Variants in MACROD2 observed in about 807,000 individuals in gnomAD.
The protein encoded by MACROD2 is mono-ADP ribosylhydrolase 2.
Under a neutral mutation model 70.4 loss-of-function variants are expected in MACROD2, and 36 were observed. The ratio of observed to expected loss-of-function variants is 0.51; its 90% CI spans 0.39 to 0.68. The LOEUF (loss-of-function observed/expected upper bound fraction) is 0.68. Ranked by LOEUF, MACROD2 falls within the 30% of genes least tolerant of loss-of-function variation. The pLI, the probability that MACROD2 is intolerant of heterozygous loss-of-function variation, is 0.00. For synonymous variants in MACROD2, 172 were observed against 178.8 expected, an observed-to-expected ratio of 0.96 and a Z score of 0.30; for missense variants, 496 against 538.4, an observed-to-expected ratio of 0.92 and a Z score of 0.78.
At chr20:15,825,471 T>C (rs2063987003) in intron 8 of MACROD2, among the ~76,000 whole-genome samples, 1 of 149,274 alleles carries the variant, frequency 6.7e-6, no homozygotes, top group African/African-American at 2.4e-5. Context: ...CATCCAATTG[T>C]AGACATGATA....
At chr20:15,524,690 C>T (rs2047698681) in intron 8 of MACROD2, among the ~76,000 whole-genome samples, 1 of 152,186 alleles carries the variant, frequency 6.6e-6, no homozygotes, top group Non-Finnish European at 1.5e-5. Context: ...GACTTATTTT[C>T]TGTGTAGTGC....
chr20:15,247,702 A>AT lies in MACROD2; in HGVS notation c.540+17654dup, dbSNP rs529924188. Among the ~76,000 whole-genome samples, 887 of 146,010 alleles carry AT rather than the reference A, an allele frequency of 6.1e-3. 3 individuals are homozygous for AT. Among genetic ancestry groups the AT allele is most frequent in the South Asian group, 0.029 (133 of 4,602 alleles). ...GTTAGTAATAAATGAGCTTTGACAG[A>AT]TTTTTTTTTTTTTGAGACTGAGTCT... On this transcript the variant is annotated intron_variant, in intron 6 of 17. Coordinates refer to ENST00000684519, the MANE Select transcript of MACROD2 (RefSeq NM_001351661.2).
intron 5 of MACROD2, among the ~76,000 whole-genome samples, chr20:15,128,039 G>C (rs560694801): frequency 6.6e-6 from 1 of 152,052 alleles, no homozygotes; most frequent in South Asian, 2.1e-4. Flanking sequence ...GCTTTACTTG[G>C]GCTGGATGGG....
chr20:15,482,465 A>G (rs925050774), intron 7 of MACROD2, among the ~76,000 whole-genome samples: 1 of 152,180 alleles, frequency 6.6e-6, no homozygotes, highest in Non-Finnish European at 1.5e-5. Flanking sequence ...CAGAAACAGA[A>G]ACTCTCCTTC....
chr20:14,997,280 G>T lies in MACROD2; in HGVS notation c.419-232660G>T, dbSNP rs1297606774. 2.0e-5 allele frequency among the ~76,000 whole-genome samples: 3 copies of T among 152,084 alleles called. No homozygotes were observed. In the East Asian group the frequency reaches 5.8e-4, roughly 29 times the overall value. On this transcript the variant is annotated intron_variant, in intron 5 of 17. Coordinates refer to ENST00000684519, the MANE Select transcript of MACROD2 (RefSeq NM_001351661.2). ...CCCCCATTCTGGGCCCTAGCTCCCA[G>T]ATGACACTTCTAGATCTACCCTGGG...
intron 4 of MACROD2, among the ~76,000 whole-genome samples, chr20:14,501,380 T>C (rs781497523): frequency 1.3e-5 from 2 of 152,242 alleles, no homozygotes; most frequent in Non-Finnish European, 2.9e-5. Flanking sequence ...TTTAATTTAT[T>C]AATAATTTGT....
rs1287163506 is a variant in MACROD2, at chr20:14,522,414, TC to T, written c.301+28907del. Reference sequence around the variant, plus strand: ...GCTGAAGAGACATTTTCTAGATTGGTCAGTCACAGCAGTGTATTCAGAAGGC... The same window carrying T: ...GCTGAAGAGACATTTTCTAGATTGGTAGTCACAGCAGTGTATTCAGAAGGC... On this transcript the variant is annotated intron_variant, in intron 4 of 17. Transcript: ENST00000684519. Among the ~76,000 whole-genome samples the T allele has an allele frequency of 4.6e-5, 7 of 152,228 alleles. No individual in the cohort carries two copies. In the East Asian group the frequency reaches 1.4e-3, roughly 29 times the overall value.
intron 3 of MACROD2, among the ~76,000 whole-genome samples, chr20:14,253,662 A>T (rs966878107): frequency 2.0e-5 from 3 of 152,052 alleles, no homozygotes; most frequent in African/African-American, 7.2e-5. Flanking sequence ...AATGCTTTTG[A>T]TCTACAATTA....
intron 8 of MACROD2, among the ~76,000 whole-genome samples, chr20:15,733,882 C>G (rs1849078170): frequency 6.6e-6 from 1 of 152,194 alleles, no homozygotes; most frequent in Non-Finnish European, 1.5e-5. Context: ...AGAAAGACCC[C>G]TCACATATGC....
chr20:15,495,815 A>C (rs2047290095), intron 7 of MACROD2, among the ~76,000 whole-genome samples: 1 of 152,248 alleles, frequency 6.6e-6, no homozygotes. Flanking sequence ...ACATGGTATT[A>C]TGAAAACACA....
chr20:15,916,757 G>A (rs1482409682), intron 10 of MACROD2, among the ~76,000 whole-genome samples: 2 of 152,208 alleles, frequency 1.3e-5, no homozygotes, highest in African/African-American at 2.4e-5. Context: ...AATGACTTTG[G>A]TGGACAAGAG....
At chr20:14,465,023 C>T (rs541803729) in intron 3 of MACROD2, among the ~76,000 whole-genome samples, 287 of 151,926 alleles carry the variant, frequency 1.9e-3, no homozygotes, top group African/African-American at 3.3e-3. Flanking sequence ...TGATTTGGGG[C>T]GGAGAGTTCT....
chr20:14,627,349 A>G (rs1349152656), intron 4 of MACROD2, among the ~76,000 whole-genome samples: 1 of 152,108 alleles, frequency 6.6e-6, no homozygotes, highest in Non-Finnish European at 1.5e-5. Context: ...ACCTGCATCT[A>G]ATGACTGGGC....
At chr20:15,841,086 A>T (rs1254475078) in intron 8 of MACROD2, among the ~76,000 whole-genome samples, 3 of 152,136 alleles carry the variant, frequency 2.0e-5, no homozygotes, top group African/African-American at 7.2e-5. Flanking sequence ...TCACATCTGG[A>T]TATCCTGGTG....
chr20:14,025,974 A>G (rs776091487), intron 2 of MACROD2, among the ~76,000 whole-genome samples: 17 of 152,128 alleles, frequency 1.1e-4, no homozygotes, highest in Admixed American at 6.5e-4. Flanking sequence ...ACTGTGTGGG[A>G]GTCTAAGTCT....
intron 3 of MACROD2, among the ~76,000 whole-genome samples, chr20:14,128,612 C>T (rs2054680931): frequency 6.6e-6 from 1 of 152,188 alleles, no homozygotes; most frequent in African/African-American, 2.4e-5. Flanking sequence ...GTATATGAAA[C>T]AGCCTTTTAC....
At chr20:15,994,736 C>T (rs989435577) in intron 15 of MACROD2, among the ~76,000 whole-genome samples, 1 of 152,072 alleles carries the variant, frequency 6.6e-6, no homozygotes, top group African/African-American at 2.4e-5. Flanking sequence ...TACTTAGAGG[C>T]AGTTAAAACA....
chr20:14,115,406 C>A (rs1006211708), intron 3 of MACROD2, among the ~76,000 whole-genome samples: 6 of 152,140 alleles, frequency 3.9e-5, no homozygotes, highest in African/African-American at 1.4e-4. Flanking sequence ...ATGCAAATGG[C>A]AGACAGTAAA....
chr20:15,402,454 T>TA (rs1245854532), intron 6 of MACROD2, among the ~76,000 whole-genome samples: 1 of 152,248 alleles, frequency 6.6e-6, no homozygotes, highest in East Asian at 1.9e-4. Flanking sequence ...ATTTCTCTAC[T>TA]AATGCTCTGG....
Sources: gnomAD v4.1 joint callset for allele counts (sites outside exome capture counted in the v4.1 genomes callset) on GRCh38, gnomAD v4.1.1 for gene constraint, MANE v1.5 for transcripts, NCBI Gene and HGNC (gene_info 2026-07-23, HGNC 2026-07-21) for gene names.